RIMS2: variants seen among roughly 807,000 people sequenced by gnomAD.
RIMS2 encodes the protein regulating synaptic membrane exocytosis protein 2.
A neutral mutation model predicts 174.4 loss-of-function variants in RIMS2; 59 were observed. The ratio of observed to expected loss-of-function variants is 0.34; its 90% CI spans 0.27 to 0.42. The LOEUF is 0.42. Ranked by LOEUF, RIMS2 falls within the 10% of genes least tolerant of loss-of-function variation. The pLI is 1.00. For missense variants in RIMS2, 1,620 were observed against 1,666.3 expected (o/e 0.97, Z 0.48); for synonymous variants, 606 against 572.5 (o/e 1.06, Z -0.84).
rs1248946335 is a variant in RIMS2 at position 104,014,493 on chromosome 8, G to A, written c.3225-13G>A. On this transcript the variant is annotated splice_polypyrimidine_tract_variant and intron_variant, in intron 18 of 23. Coordinates refer to ENST00000504942, the Ensembl canonical transcript of RIMS2. ...CATTATACTGAAAATGAATATTAAT[G>A]GTGTGTCTTTAGGTCTCATCCTCGT... 7.0e-7 allele frequency: 1 copy of A among 1,435,020 alleles called. No individual in the cohort carries two copies. The highest frequency in any genetic ancestry group is 9.8e-7 in the Non-Finnish European group (1 of 1,022,114). 88.9% of individuals were successfully genotyped at this position (1,435,020 alleles called of 1,614,324 possible).
At chr8:103,768,422 T>A in intron 3 of RIMS2, 1 of 756,406 alleles carries the variant, frequency 1.3e-6, no homozygotes. Flanking sequence ...ATGGAAGGGT[T>A]ATGTGGTCCT....
chr8:104,132,976 T>C (rs1426429742), intron 19 of RIMS2, among the ~76,000 whole-genome samples: 1 of 152,164 alleles, frequency 6.6e-6, no homozygotes. Context: ...TCCAGGTAAT[T>C]CTGATGCAGG....
At chr8:103,645,452 A>C (rs1038776781) in intron 1 of RIMS2, among the ~76,000 whole-genome samples, 3 of 152,168 alleles carry the variant, frequency 2.0e-5, no homozygotes, top group African/African-American at 7.2e-5. Context: ...ACAGTGTAAA[A>C]GTGAATCAAT....
intron 19 of RIMS2, among the ~76,000 whole-genome samples, chr8:104,124,289 A>G (rs1414538531): frequency 1.3e-5 from 2 of 152,118 alleles, no homozygotes; most frequent in Non-Finnish European, 2.9e-5. Context: ...GAAATCCAGT[A>G]TTATCTATTA....
At chr8:103,867,061 T>A (rs1365492039) in intron 3 of RIMS2, among the ~76,000 whole-genome samples, 2 of 151,944 alleles carry the variant, frequency 1.3e-5, no homozygotes, top group African/African-American at 4.8e-5. Flanking sequence ...CCTTACTAAA[T>A]GTTTAATATA....
intron 19 of RIMS2, among the ~76,000 whole-genome samples, chr8:104,149,794 C>G (rs773551946): frequency 1.3e-5 from 2 of 152,084 alleles, no homozygotes; most frequent in Non-Finnish European, 2.9e-5. Context: ...CTGGACCCGG[C>G]TAATCTTGAT....
chr8:103,772,262 A>G (rs1050219592), intron 3 of RIMS2, among the ~76,000 whole-genome samples: 13 of 152,090 alleles, frequency 8.5e-5, no homozygotes, highest in Middle Eastern at 4.0e-3. Context: ...TATATAGAAC[A>G]TTAATGGGAT....
At chr8:103,696,867 A>C (rs113912305) in intron 1 of RIMS2, among the ~76,000 whole-genome samples, 1 of 150,360 alleles carries the variant, frequency 6.7e-6, no homozygotes, top group African/African-American at 2.4e-5. Context: ...CGTCTCAAAA[A>C]AAAAAAAAAA....
chr8:103,984,757 G>T (rs1187823660), intron 16 of RIMS2, among the ~76,000 whole-genome samples: 4 of 152,196 alleles, frequency 2.6e-5, no homozygotes, highest in Non-Finnish European at 4.4e-5. Flanking sequence ...TGTCATATTT[G>T]TTGCAGTACT....
At chr8:103,512,588 G>T (rs1337938559) in intron 1 of RIMS2, among the ~76,000 whole-genome samples, 3 of 151,836 alleles carry the variant, frequency 2.0e-5, no homozygotes, top group African/African-American at 7.3e-5. Context: ...TACAACTTCT[G>T]CTTGCATTTT....
At chr8:103,550,918 A>T (rs1847526259) in intron 1 of RIMS2, among the ~76,000 whole-genome samples, 1 of 152,216 alleles carries the variant, frequency 6.6e-6, no homozygotes, top group Non-Finnish European at 1.5e-5. Flanking sequence ...GAATCCCTGA[A>T]TAGACCAACA....
intron 3 of RIMS2, among the ~76,000 whole-genome samples, chr8:103,875,800 A>G (rs1468272354): frequency 6.6e-6 from 1 of 151,964 alleles, no homozygotes; most frequent in Non-Finnish European, 1.5e-5. Context: ...AATAATGGCC[A>G]TTCTTGACTG....
chr8:103,832,813 CTATT>C (rs1362265248), intron 3 of RIMS2, among the ~76,000 whole-genome samples: 1 of 152,206 alleles, frequency 6.6e-6, no homozygotes, highest in Non-Finnish European at 1.5e-5. Context: ...CTTTCACAAT[CTATT>C]TACAATCATT....
chr8:103,779,933 C>G (rs959988508), intron 3 of RIMS2, among the ~76,000 whole-genome samples: 3 of 151,706 alleles, frequency 2.0e-5, no homozygotes, highest in African/African-American at 7.3e-5. Flanking sequence ...AGTGAGTTGG[C>G]TATAAATGCA....
At chr8:103,966,164 C>T (rs1003910820) in intron 15 of RIMS2, among the ~76,000 whole-genome samples, 81 of 152,158 alleles carry the variant, frequency 5.3e-4, no homozygotes, top group African/African-American at 1.7e-3. Context: ...AGAGAGTAGT[C>T]TCTCTGATTC....
chr8:104,191,914 T>TATTTAATTTAAGTAAATTAA (rs2098999893), intron 19 of RIMS2, among the ~76,000 whole-genome samples: 1 of 152,140 alleles, frequency 6.6e-6, no homozygotes, highest in African/African-American at 2.4e-5. Context: ...CACAAAATTA[T>TATTTAATTTAAGTAAATTAA]ATTTAAGTAA....
At chr8:104,243,802 G>A (rs967075004) in intron 19 of RIMS2, among the ~76,000 whole-genome samples, 16 of 152,124 alleles carry the variant, frequency 1.1e-4, no homozygotes, top group African/African-American at 2.7e-4. Context: ...AGAAGTAATC[G>A]AGTACAAATC....
chr8:103,885,277 T>A, intron 3 of RIMS2, 21 bp from the exon 7 acceptor site: 2 of 1,542,154 alleles, frequency 1.3e-6, no homozygotes, highest in Non-Finnish European at 1.7e-6. Context: ...TTCTCATTGT[T>A]CTTTTCCTTT....
chr8:103,999,262 A>C (rs2095279711), intron 17 of RIMS2, among the ~76,000 whole-genome samples: 1 of 151,760 alleles, frequency 6.6e-6, no homozygotes, highest in Non-Finnish European at 1.5e-5. Context: ...TATTTTATTT[A>C]TGTGGGTTAA....
Sources: gnomAD v4.1 joint callset for allele counts (sites outside exome capture counted in the v4.1 genomes callset) on GRCh38, gnomAD v4.1.1 for gene constraint, MANE v1.5 for transcripts, NCBI Gene and HGNC (gene_info 2026-07-23, HGNC 2026-07-21) for gene names.